VEPH1: variants seen among roughly 807,000 people sequenced by gnomAD.
The protein encoded by VEPH1 is ventricular zone-expressed PH domain-containing protein homolog 1.
Under a neutral mutation model 85.2 loss-of-function variants are expected in VEPH1, and 80 were observed. That is an observed-to-expected ratio of 0.94 (90% CI 0.78 to 1.13). The LOEUF (loss-of-function observed/expected upper bound fraction) is 1.13, where lower values mean the gene tolerates loss of function less well. Ranked by LOEUF, VEPH1 falls within the 50% of genes most tolerant of loss-of-function variation. The pLI, the probability that VEPH1 is intolerant of heterozygous loss-of-function variation, is 0.00. For missense variants in VEPH1, 955 were observed against 980.5 expected, an observed-to-expected ratio of 0.97 and a Z score of 0.35; for synonymous variants, 297 against 348.0, an observed-to-expected ratio of 0.85 and a Z score of 1.63.
chr3:157,330,274 G>A (rs1422377660), intron 9 of VEPH1, among the ~76,000 whole-genome samples: 1 of 152,186 alleles, frequency 6.6e-6, no homozygotes, highest in Non-Finnish European at 1.5e-5. Flanking sequence ...ACCCTCTCTT[G>A]TGAAAGGGAA....
At chr3:157,340,037 G>A (rs530612239) in intron 9 of VEPH1, among the ~76,000 whole-genome samples, 14 of 152,292 alleles carry the variant, frequency 9.2e-5, no homozygotes, top group South Asian at 2.1e-4. Context: ...CAGTAAGGTC[G>A]AAATCATATC....
chr3:157,382,081 G>A (rs1000142113), intron 6 of VEPH1, among the ~76,000 whole-genome samples: 7 of 152,184 alleles, frequency 4.6e-5, no homozygotes, highest in African/African-American at 7.2e-5. Flanking sequence ...CCATCTGTCT[G>A]TCGGGGTGAT....
At chr3:157,427,746 T>C (rs1029961403) in intron 5 of VEPH1, among the ~76,000 whole-genome samples, 7 of 152,334 alleles carry the variant, frequency 4.6e-5, no homozygotes, top group African/African-American at 1.7e-4. Flanking sequence ...GGAGCCACCA[T>C]GCTCTGCCTG....
intron 11 of VEPH1, among the ~76,000 whole-genome samples, chr3:157,296,941 C>T (rs975728490): frequency 6.6e-6 from 1 of 152,142 alleles, no homozygotes; most frequent in African/African-American, 2.4e-5. Context: ...TGGATAATTG[C>T]ACTACTTTGT....
chr3:157,415,744 T>A (rs1379027197), intron 5 of VEPH1, among the ~76,000 whole-genome samples: 1 of 152,206 alleles, frequency 6.6e-6, no homozygotes, highest in Non-Finnish European at 1.5e-5. Context: ...ATGATGAATT[T>A]TTTTTAAAAA....
intron 2 of VEPH1, among the ~76,000 whole-genome samples, chr3:157,483,690 T>A (rs1264821413): frequency 1.3e-5 from 2 of 152,044 alleles, no homozygotes; most frequent in East Asian, 3.9e-4. Context: ...GAATATAATA[T>A]CTCACATAGA....
intron 11 of VEPH1, among the ~76,000 whole-genome samples, chr3:157,288,020 G>A (rs540069196): frequency 6.6e-6 from 1 of 152,286 alleles, no homozygotes; most frequent in Admixed American, 6.5e-5. Flanking sequence ...CTCTTTAAGG[G>A]GCAGGGCAGA....
At position 157,481,483 on chromosome 3, in the gene VEPH1, A is replaced by AC; in HGVS notation, c.139-10955_139-10954insG. ...ACACACACAAAAAAAAAAAAAAAAA[A>AC]AAACAATCCTAAGCAAAAAGAACAA... On this transcript the variant is annotated intron_variant, in intron 2 of 13. Transcript: ENST00000362010. Among the ~76,000 whole-genome samples the AC allele has an allele frequency of 6.5e-5, 9 of 139,324 alleles. 1 individual carries two copies. The highest frequency in any genetic ancestry group is 2.4e-4 in the African/African-American group (8 of 33,312). 91.4% of individuals were successfully genotyped at this position (139,324 alleles called of 152,430 possible).
At chr3:157,341,636 C>G (rs1208411452) in intron 9 of VEPH1, among the ~76,000 whole-genome samples, 1 of 152,186 alleles carries the variant, frequency 6.6e-6, no homozygotes, top group African/African-American at 2.4e-5. Context: ...CCCAACCTAA[C>G]AAGGCAGGCC....
At chr3:157,319,820 C>T (rs900538661) in intron 9 of VEPH1, among the ~76,000 whole-genome samples, 1 of 152,084 alleles carries the variant, frequency 6.6e-6, no homozygotes, top group African/African-American at 2.4e-5. Flanking sequence ...TATACACAAC[C>T]CACAGGAGTC....
chr3:157,314,554 T>C (rs1430384922), intron 10 of VEPH1, among the ~76,000 whole-genome samples: 3 of 151,950 alleles, frequency 2.0e-5, no homozygotes, highest in Admixed American at 2.0e-4. Context: ...TTAATATAAA[T>C]ATTCATATTT....
At chr3:157,414,866 CTGTT>C (rs772063729) in intron 5 of VEPH1, among the ~76,000 whole-genome samples, 20 of 152,082 alleles carry the variant, frequency 1.3e-4, no homozygotes, top group Non-Finnish European at 2.9e-4. Context: ...ATCCATATTT[CTGTT>C]TGTTTGTTTC....
intron 12 of VEPH1, among the ~76,000 whole-genome samples, chr3:157,282,144 A>C (rs776979752): frequency 8.5e-5 from 13 of 152,324 alleles, no homozygotes; most frequent in East Asian, 1.9e-4. Flanking sequence ...ATAATCTAAT[A>C]TAATATAATA....
chr3:157,345,982 G>A (rs1242028430), intron 9 of VEPH1, among the ~76,000 whole-genome samples: 1 of 149,428 alleles, frequency 6.7e-6, no homozygotes, highest in East Asian at 2.0e-4. Context: ...TGAACAATGA[G>A]AACACTTGGA....
At chr3:157,402,727 T>C (rs1348487838) in intron 6 of VEPH1, among the ~76,000 whole-genome samples, 1 of 152,192 alleles carries the variant, frequency 6.6e-6, no homozygotes, top group Admixed American at 6.5e-5. Flanking sequence ...TCATATTTAT[T>C]AATCTTAAAA....
intron 12 of VEPH1, among the ~76,000 whole-genome samples, chr3:157,276,719 T>A (rs546338516): frequency 1.4e-4 from 22 of 152,182 alleles, no homozygotes; most frequent in African/African-American, 4.6e-4. Context: ...TTTTATTGTG[T>A]TAATAGTGAG....
At chr3:157,333,847 C>T (rs1208133700) in intron 9 of VEPH1, among the ~76,000 whole-genome samples, 1 of 152,028 alleles carries the variant, frequency 6.6e-6, no homozygotes, top group Non-Finnish European at 1.5e-5. Flanking sequence ...GGTCCGTTTA[C>T]ATTTTTTTTT....
chr3:157,381,230 G>C lies in VEPH1; in HGVS notation c.1053C>G (p.Arg351=). Residue 351 remains arginine, a synonymous_variant, in exon 7 of 14, where the codon CGC becomes CGG. Coordinates refer to ENST00000362010, the MANE Select transcript of VEPH1 (RefSeq NM_001167912.2). The part of the protein sequence containing the change: ...ILGPQSRDIF[R]MSNSFTAIAK... Reference sequence around the variant, plus strand: ...CAATGGCGGTGAAGCTGTTGCTCATGCGGAAGATGTCTCTGCTCTGAGGGC... The same window carrying C: ...CAATGGCGGTGAAGCTGTTGCTCATCCGGAAGATGTCTCTGCTCTGAGGGC... 5.0e-6 allele frequency: 8 copies of C among 1,614,074 alleles called. No individual in the cohort carries two copies. The highest frequency in any genetic ancestry group is 6.8e-6 in the Non-Finnish European group (8 of 1,180,004).
In VEPH1 at chr3:157,460,249, A is replaced by G. The variant is rs765405544; in HGVS notation, c.461T>C (p.Leu154Pro). 2 of 1,614,206 alleles carry G rather than the reference A, an allele frequency of 1.2e-6. No homozygotes were observed. The highest frequency in any genetic ancestry group is 1.1e-5 in the South Asian group (1 of 91,088). The change falls in exon 4 of 14, where the codon CTG becomes CCG. Residue 154 changes from leucine (L) to proline (P), a missense_variant. Coordinates refer to ENST00000362010, the MANE Select transcript of VEPH1 (RefSeq NM_001167912.2). ...GAGATCTGCCTTGGTAATTGCAGCC[A>G]GAGACAGGTAGTTAGACATATTCCT... ...LCRNMSNYLS[L>P]AAITKADLLA...
Sources: allele counts gnomAD v4.1 joint callset (sites outside exome capture counted in the v4.1 genomes callset), GRCh38; gene constraint gnomAD v4.1.1; transcripts MANE v1.5; gene names NCBI Gene and HGNC (gene_info 2026-07-23, HGNC 2026-07-21).